Variants in MYT1 observed in about 807,000 individuals in gnomAD.
MYT1 encodes myelin transcription factor 1, also known as myelin transcription factor I.
MYT1 carries 23 observed loss-of-function variants against 123.0 expected under a neutral mutation model. The ratio of observed to expected loss-of-function variants is 0.19; its 90% CI spans 0.13 to 0.26. The LOEUF is 0.26. MYT1 is among the 10% of genes least tolerant of loss of function. The pLI, the probability that MYT1 is intolerant of heterozygous loss-of-function variation, is 1.00. For missense variants in MYT1, 1,125 were observed against 1,472.5 expected (o/e 0.76, Z 3.86); for synonymous variants, 518 against 575.3 (o/e 0.90, Z 1.43).
Position 64,167,383 on chromosome 20 carries a change from C to G in MYT1, c.-99+2644C>G, listed in dbSNP as rs1039391249. 1.3e-5 allele frequency among the ~76,000 whole-genome samples: 2 copies of G among 152,178 alleles called. No homozygotes were observed. Among genetic ancestry groups the G allele is most frequent in the African/African-American group, 2.4e-5 (1 of 41,430 alleles). ...TCCACCCAGTCCCTCTGTCGGGGCT[C>G]AGGGTGGGGATGAGACCGGGAACAA... On this transcript the variant is annotated intron_variant, in intron 1 of 22. Coordinates refer to ENST00000328439, the MANE Select transcript of MYT1 (RefSeq NM_004535.3). The surrounding 1 kb of genome is among the most constrained non-coding windows in gnomAD (Gnocchi z 6.3).
chr20:64,180,715 G>A (rs2983448), intron 1 of MYT1, among the ~76,000 whole-genome samples: 2 of 152,180 alleles, frequency 1.3e-5, no homozygotes, highest in Non-Finnish European at 2.9e-5. Context: ...GGACCTTTTC[G>A]GACACTTGTG....
intron 21 of MYT1, 29 bp downstream of exon 21, chr20:64,237,419 C>T: frequency 6.5e-7 from 1 of 1,533,952 alleles, no homozygotes; most frequent in East Asian, 2.3e-5. Context: ...CGCTCCTGGG[C>T]TCTTTGCCCA....
Position 64,240,552 on chromosome 20 carries a change from G to T in MYT1, c.*104G>T. The T allele has an allele frequency of 7.0e-7, 1 of 1,435,556 alleles. No individual in the cohort carries two copies. The highest frequency in any genetic ancestry group is 1.4e-5 in the African/African-American group (1 of 69,846). The allele number at this position is 1,435,556 out of a possible 1,614,324, so 88.9% of individuals were successfully genotyped here. A position where few individuals can be genotyped will look rare whatever the true frequency, so the allele number is the denominator to read the frequency against. The stretch of plus-strand genomic sequence containing the variant: ...AACTCACAGTGACTTCCCGTTTGGG[G>T]CCCGGTGTGGCCGCGGGCGGGTTTA... On this transcript the variant is annotated 3_prime_UTR_variant, in exon 23 of 23. Transcript: ENST00000328439.
Position 64,232,526 on chromosome 20 carries a change from G to T in MYT1, c.2897+141G>T. On this transcript the variant is annotated intron_variant, in intron 19 of 22. Transcript: ENST00000328439. This position sits in a 1 kb window ranked among gnomAD's most constrained non-coding sequence, Gnocchi z 6.9. ...CTCAAGGGAAAGGCCAGGCCACATG[G>T]GTAGCGGATGGGGGAGGCTAGCGGG... 1 of 775,454 alleles carries T rather than the reference G, an allele frequency of 1.3e-6. No individual in the cohort carries two copies. The highest frequency in any genetic ancestry group is 2.1e-6 in the Non-Finnish European group (1 of 479,706). 48.0% of individuals were successfully genotyped at this position (775,454 alleles called of 1,614,324 possible).
chr20:64,236,693 G>A (rs770843692), intron 20 of MYT1, 47 bp downstream of exon 20: 2 of 1,512,376 alleles, frequency 1.3e-6, no homozygotes, highest in South Asian at 1.1e-5. Flanking sequence ...GGGTGCCAGG[G>A]TAAGTGAGAG....
intron 4 of MYT1, among the ~76,000 whole-genome samples, chr20:64,200,644 T>C (rs1983266906): frequency 6.6e-6 from 1 of 152,204 alleles, no homozygotes; most frequent in Non-Finnish European, 1.5e-5. Context: ...CCCCAGGCTC[T>C]GCGTCAGTCA....
Position 64,208,771 on chromosome 20 carries a change from G to C in MYT1, c.1291+284G>C, listed in dbSNP as rs376668480. Reference sequence around the variant, plus strand: ...GACAGTGACCCACCCACAGTGACTGGTCACAGCAGCATCTGGGGTCTGGAG... The same window carrying C: ...GACAGTGACCCACCCACAGTGACTGCTCACAGCAGCATCTGGGGTCTGGAG... On this transcript the variant is annotated intron_variant, in intron 7 of 22. Coordinates refer to ENST00000328439, the MANE Select transcript of MYT1 (RefSeq NM_004535.3). The surrounding 1 kb of genome is among the most constrained non-coding windows in gnomAD (Gnocchi z 5.4). Among the ~76,000 whole-genome samples, 2 of 152,228 alleles carry C rather than the reference G, an allele frequency of 1.3e-5. No homozygotes were observed. Among genetic ancestry groups the C allele is most frequent in the Admixed American group, 1.3e-4 (2 of 15,282 alleles).
intron 19 of MYT1, 99 bp from the exon 20 acceptor site, chr20:64,236,456 C>T (rs1211370711): frequency 7.7e-5 from 66 of 852,538 alleles, no homozygotes; most frequent in Non-Finnish European, 1.2e-4. Flanking sequence ...CCGGGGCTGG[C>T]CGTGGTATGT....
chr20:64,230,586 C>A (rs1420361115), intron 18 of MYT1, among the ~76,000 whole-genome samples: 1 of 152,170 alleles, frequency 6.6e-6, no homozygotes, highest in Non-Finnish European at 1.5e-5. Flanking sequence ...CAGCCACCCC[C>A]CATTTGGCCA....
At chr20:64,225,332 C>T (rs1384361063) in intron 16 of MYT1, among the ~76,000 whole-genome samples, 1 of 152,204 alleles carries the variant, frequency 6.6e-6, no homozygotes, top group Non-Finnish European at 1.5e-5. Flanking sequence ...AGGTTCCTTT[C>T]ATGACTTCCC....
rs915780939 is a variant in MYT1, at chr20:64,166,334, C to A, written c.-99+1595C>A. ...AGAGAAGGAGGCAGTCTTATGGATT[C>A]TTCTGTCCCGTAGAGACTGAGACTC... On this transcript the variant is annotated intron_variant, in intron 1 of 22. Coordinates refer to ENST00000328439, the MANE Select transcript of MYT1 (RefSeq NM_004535.3). This position sits in a 1 kb window ranked among gnomAD's most constrained non-coding sequence, Gnocchi z 4.9. Among the ~76,000 whole-genome samples the A allele has an allele frequency of 5.9e-5, 9 of 152,144 alleles. No individual in the cohort carries two copies. The highest frequency in any genetic ancestry group is 1.2e-4 in the Non-Finnish European group (8 of 68,014).
intron 1 of MYT1, among the ~76,000 whole-genome samples, chr20:64,165,065 G>A (rs1032824281): frequency 6.6e-6 from 1 of 152,066 alleles, no homozygotes; most frequent in Non-Finnish European, 1.5e-5. Flanking sequence ...AACTTTATGC[G>A]CATTTCTGGA....
At chr20:64,225,722 T>TG (rs1375551620) in intron 16 of MYT1, among the ~76,000 whole-genome samples, 1 of 152,100 alleles carries the variant, frequency 6.6e-6, no homozygotes, top group East Asian at 1.9e-4. Context: ...CAGCTGACCC[T>TG]GGGGGTCCAC....
Position 64,193,465 on chromosome 20 carries a change from C to T in MYT1, c.-1+3305C>T, listed in dbSNP as rs1983021394. 6.6e-6 allele frequency among the ~76,000 whole-genome samples: 1 copy of T among 152,164 alleles called. No individual in the cohort carries two copies. Among genetic ancestry groups the T allele is most frequent in the Non-Finnish European group, 1.5e-5 (1 of 68,030 alleles). On this transcript the variant is annotated intron_variant, in intron 2 of 22. Coordinates refer to ENST00000328439, the MANE Select transcript of MYT1 (RefSeq NM_004535.3). The surrounding 1 kb of genome is among the most constrained non-coding windows in gnomAD (Gnocchi z 4.0). ...GTGGGAGCTTGGATCTTCCACAATA[C>T]TGTCTGCTGTAATGGCTTCACAGCA...
chr20:64,173,663 T>A (rs1286548030), intron 1 of MYT1, among the ~76,000 whole-genome samples: 1 of 147,060 alleles, frequency 6.8e-6, no homozygotes, highest in Non-Finnish European at 1.5e-5. Context: ...TGTGTCCATT[T>A]CCCCTCCCTG....
Position 64,232,746 on chromosome 20 carries a change from TC to T in MYT1, c.2897+363del, listed in dbSNP as rs1454403252. Among the ~76,000 whole-genome samples, 4 of 151,936 alleles carry T rather than the reference TC, an allele frequency of 2.6e-5. No individual in the cohort carries two copies. Among genetic ancestry groups the T allele is most frequent in the African/African-American group, 9.7e-5 (4 of 41,336 alleles). On this transcript the variant is annotated intron_variant, in intron 19 of 22. Coordinates refer to ENST00000328439, the MANE Select transcript of MYT1 (RefSeq NM_004535.3). The surrounding 1 kb of genome is among the most constrained non-coding windows in gnomAD (Gnocchi z 6.9). Reference sequence around the variant, plus strand: ...GACAACTTCTCAGGAAAAGTTTGTCTCCTACACCTTATGCCCTGTCCCTCCC... The same window carrying T: ...GACAACTTCTCAGGAAAAGTTTGTCTCTACACCTTATGCCCTGTCCCTCCC...
intron 1 of MYT1, among the ~76,000 whole-genome samples, chr20:64,177,915 C>T (rs939846889): frequency 7.2e-5 from 11 of 152,196 alleles, no homozygotes; most frequent in Admixed American, 3.9e-4. Context: ...GGAACAAAGC[C>T]AGCCATCCCT....
At position 64,212,185 on chromosome 20, in the gene MYT1, TGGTGGG is replaced by T; in HGVS notation, c.1517+50_1517+55del. 1 of 407,396 alleles carries T rather than the reference TGGTGGG, an allele frequency of 2.5e-6. No homozygotes were observed. The highest frequency in any genetic ancestry group is 3.7e-6 in the Non-Finnish European group (1 of 269,310). The allele number at this position is 407,396 out of a possible 1,614,324, so 25.2% of individuals were successfully genotyped here. A position where few individuals can be genotyped will look rare whatever the true frequency, so the allele number is the denominator to read the frequency against. ...GTAGTGGGGGCCAGGGTGGGGGCCG[TGGTGGG>T]GGCCAGGGTGGGGGCCGTGGTGGGG... is the stretch of plus-strand genomic sequence containing the variant. On this transcript the variant is annotated intron_variant, in intron 9 of 22. Transcript: ENST00000328439. This position sits in a 1 kb window ranked among gnomAD's most constrained non-coding sequence, Gnocchi z 6.8.
At position 64,168,299 on chromosome 20, in the gene MYT1, A is replaced by G. The variant is rs1292029618; in HGVS notation, c.-99+3560A>G. On this transcript the variant is annotated intron_variant, in intron 1 of 22. Transcript: ENST00000328439. The surrounding 1 kb of genome is among the most constrained non-coding windows in gnomAD (Gnocchi z 6.1). ...TGAAAATGTCTTCCTGTTTCTCTTC[A>G]GTGTTACTGGAACTAACCAGATACA... 6.6e-6 allele frequency among the ~76,000 whole-genome samples: 1 copy of G among 152,228 alleles called. No individual in the cohort carries two copies. The highest frequency in any genetic ancestry group is 2.4e-5 in the African/African-American group (1 of 41,452).
Sources: allele counts gnomAD v4.1 joint callset (sites outside exome capture counted in the v4.1 genomes callset), GRCh38; gene constraint gnomAD v4.1.1; non-coding constraint Gnocchi (gnomAD v3.1); transcripts MANE v1.5; gene names NCBI Gene and HGNC (gene_info 2026-07-23, HGNC 2026-07-21).